The following MTUS1 variants were observed in gnomAD, a reference collection of about 807,000 sequenced individuals.
The protein encoded by MTUS1 is microtubule associated scaffold protein 1.
MTUS1 carries 109 observed loss-of-function variants against 120.8 expected under a neutral mutation model. That is an observed-to-expected ratio of 0.90 (90% CI 0.77 to 1.06). The LOEUF is 1.06. Among genes scored for constraint, MTUS1 ranks in the 50% least tolerant of loss-of-function variants. The probability of loss-of-function intolerance (pLI) is 0.00; values close to 1 mark genes in which losing one functional copy is unlikely to be tolerated. For missense variants in MTUS1, 2,210 were observed against 1,486.3 expected (o/e 1.49, Z -8.01); for synonymous variants, 737 against 550.5 (o/e 1.34, Z -4.74).
At chr8:17,678,420 A>T (rs925996482) in intron 7 of MTUS1, among the ~76,000 whole-genome samples, 2 of 129,796 alleles carry the variant, frequency 1.5e-5, no homozygotes, top group Non-Finnish European at 3.5e-5. Context: ...CAGGCATTAA[A>T]TATATGAAAT....
intron 8 of MTUS1, among the ~76,000 whole-genome samples, chr8:17,669,183 A>G (rs922549851): frequency 6.6e-6 from 1 of 152,230 alleles, no homozygotes; most frequent in African/African-American, 2.4e-5. Context: ...GGTGCTTTGA[A>G]AAGCACACTA....
intron 6 of MTUS1, chr8:17,697,230 C>T: frequency 1.3e-6 from 2 of 1,588,362 alleles, no homozygotes; most frequent in South Asian, 2.3e-5. Flanking sequence ...CCGTGCAACA[C>T]TAAACAGAGA....
intron 3 of MTUS1, among the ~76,000 whole-genome samples, chr8:17,742,279 TTTGTTG>T (rs1164422824): frequency 8.3e-6 from 1 of 120,106 alleles, no homozygotes; most frequent in Non-Finnish European, 1.7e-5. Flanking sequence ...GTTTTTTTTT[TTTGTTG>T]TTGTTGTTTT....
intron 1 of MTUS1, among the ~76,000 whole-genome samples, chr8:17,761,557 T>C (rs113591997): frequency 6.6e-6 from 1 of 152,242 alleles, no homozygotes; most frequent in Non-Finnish European, 1.5e-5. Flanking sequence ...TAGAGGCTTA[T>C]ATAAGAGTAG....
intron 6 of MTUS1, among the ~76,000 whole-genome samples, chr8:17,712,813 A>AT (rs1260583271): frequency 5.9e-5 from 9 of 151,392 alleles, no homozygotes; most frequent in Non-Finnish European, 1.2e-4. Flanking sequence ...AAGTCCAGTG[A>AT]AAGTGTGAAA....
intron 12 of MTUS1, chr8:17,651,706 T>G (rs1379678744): frequency 1.3e-5 from 2 of 152,182 alleles, no homozygotes; most frequent in Non-Finnish European, 2.9e-5. Flanking sequence ...TCAGACGCAC[T>G]CTTTTTCCGC....
chr8:17,722,155 G>C, intron 4 of MTUS1: 4 of 1,134,470 alleles, frequency 3.5e-6, no homozygotes, highest in Non-Finnish European at 4.3e-6. Context: ...AAACCCCTTT[G>C]TTAAAAGACA....
chr8:17,665,002 A>G (rs1471431534), intron 8 of MTUS1, among the ~76,000 whole-genome samples: 1 of 152,204 alleles, frequency 6.6e-6, no homozygotes, highest in Non-Finnish European at 1.5e-5. Context: ...GAAGGTAGGA[A>G]CAAATACCAC....
At chr8:17,670,977 G>A (rs1393940385) in intron 8 of MTUS1, among the ~76,000 whole-genome samples, 1 of 152,150 alleles carries the variant, frequency 6.6e-6, no homozygotes, top group Non-Finnish European at 1.5e-5. Flanking sequence ...ATCAGTGTTT[G>A]CTTCTAGGGG....
intron 8 of MTUS1, among the ~76,000 whole-genome samples, chr8:17,661,127 C>G (rs1379281754): frequency 6.6e-6 from 1 of 152,082 alleles, no homozygotes; most frequent in East Asian, 1.9e-4. Context: ...GTTAGTCAAA[C>G]GAGTAAACAC....
chr8:17,659,002 G>C (rs975590277), intron 8 of MTUS1, among the ~76,000 whole-genome samples: 4 of 151,882 alleles, frequency 2.6e-5, no homozygotes, highest in African/African-American at 7.3e-5. Flanking sequence ...ACTATTTCTC[G>C]TTGCCTGGCA....
chr8:17,722,378 T>C, intron 4 of MTUS1: 1 of 982,076 alleles, frequency 1.0e-6, no homozygotes, highest in Non-Finnish European at 1.2e-6. Flanking sequence ...TAAAATTGCT[T>C]TGCAAGACAA....
chr8:17,660,541 T>G (rs901531172), intron 8 of MTUS1, among the ~76,000 whole-genome samples: 5 of 152,142 alleles, frequency 3.3e-5, no homozygotes, highest in African/African-American at 1.2e-4. Context: ...TTCTTTGGTG[T>G]ATATACCCAG....
chr8:17,706,364 A>G (rs4335165), intron 6 of MTUS1, among the ~76,000 whole-genome samples: 79,323 of 151,964 alleles, frequency 0.52, 21,452 homozygotes, highest in East Asian at 0.75. Context: ...AATAGAAAGC[A>G]GCAGGACGAA....
intron 6 of MTUS1, chr8:17,691,425 C>T (rs943003988): frequency 6.6e-6 from 1 of 152,258 alleles, no homozygotes; most frequent in Non-Finnish European, 1.5e-5. Context: ...GCCACAGCTA[C>T]CGAAGCTTGG....
chr8:17,722,099 G>A (rs979050115), intron 4 of MTUS1: 23 of 1,314,246 alleles, frequency 1.8e-5, no homozygotes, highest in South Asian at 2.3e-5. Context: ...TGCTTAATCC[G>A]CAACAGGAAC....
At chr8:17,758,250 G>C (rs777547264) in intron 1 of MTUS1, 3 of 152,170 alleles carry the variant, frequency 2.0e-5, no homozygotes, top group East Asian at 1.9e-4. Flanking sequence ...GAAACGATCA[G>C]TTTTCTTCGC....
Position 17,645,998 on chromosome 8 carries a change from T to G in MTUS1, c.3741A>C (p.Thr1247=). 6.2e-7 allele frequency: 1 copy of G among 1,613,516 alleles called. No homozygotes were observed. Among genetic ancestry groups the G allele is most frequent in the Non-Finnish European group, 8.5e-7 (1 of 1,179,910 alleles). ...GDLCSPKRSP[T]SSAIPLQSPR... is the part of the protein sequence containing the mutation. ...GTGACTGCAAAGGGATGGCGGAGGATGTGGGGGATCTCTTGGGGCTACACA... is the reference window on the plus strand; with the variant it reads ...GTGACTGCAAAGGGATGGCGGAGGAGGTGGGGGATCTCTTGGGGCTACACA... Residue 1247 remains threonine (T), a synonymous_variant, in exon 15 of 15, where the codon ACA becomes ACC. Coordinates refer to ENST00000693296, the MANE Select transcript of MTUS1 (RefSeq NM_001363059.2).
intron 3 of MTUS1, among the ~76,000 whole-genome samples, chr8:17,724,384 A>G (rs986994475): frequency 1.3e-5 from 2 of 152,206 alleles, no homozygotes; most frequent in African/African-American, 4.8e-5. Context: ...TGAGTGGAAA[A>G]TTTTAAAATC....
Sources: allele counts gnomAD v4.1 joint callset (sites outside exome capture counted in the v4.1 genomes callset), GRCh38; gene constraint gnomAD v4.1.1; transcripts MANE v1.5; gene names NCBI Gene and HGNC (gene_info 2026-07-23, HGNC 2026-07-21).